The following DLGAP2 variants were observed in gnomAD, a reference collection of about 807,000 sequenced individuals.
DLGAP2 encodes DLG associated protein 2.
Under a neutral mutation model 100.3 loss-of-function variants are expected in DLGAP2, and 26 were observed. The ratio of observed to expected loss-of-function variants is 0.26; its 90% CI spans 0.19 to 0.36. DLGAP2 has a LOEUF of 0.36. DLGAP2 is among the 10% of genes least tolerant of loss of function. The probability of loss-of-function intolerance (pLI) is 1.00; values close to 1 mark genes in which losing one functional copy is unlikely to be tolerated. For synonymous variants in DLGAP2, 886 were observed against 630.1 expected, an observed-to-expected ratio of 1.41 and a Z score of -6.08; for missense variants, 1,858 against 1,453.2, an observed-to-expected ratio of 1.28 and a Z score of -4.53.
chr8:1,443,554 T>A (rs1797898453), intron 3 of DLGAP2, among the ~76,000 whole-genome samples: 1 of 152,098 alleles, frequency 6.6e-6, no homozygotes, highest in Non-Finnish European at 1.5e-5. Context: ...TGAGACTGGG[T>A]AATTTATAGA....
chr8:1,114,834 G>A (rs1805066124), intron 2 of DLGAP2, among the ~76,000 whole-genome samples: 1 of 152,110 alleles, frequency 6.6e-6, no homozygotes, highest in Non-Finnish European at 1.5e-5. Flanking sequence ...GGCATTTAGT[G>A]CTACGAATTT....
chr8:1,702,966 T>C lies in DLGAP2; in HGVS notation c.*1560T>C, dbSNP rs979641622. ...CCCCATAGCACTTTGTTTCTTCGCC[T>C]TGATTTGCACTTTACAATGTCCCCA... On this transcript the variant is annotated 3_prime_UTR_variant, in exon 15 of 15. Transcript: ENST00000637795. 1 of 152,656 alleles carries C rather than the reference T, an allele frequency of 6.6e-6. No individual in the cohort carries two copies. Among genetic ancestry groups the C allele is most frequent in the Admixed American group, 6.5e-5 (1 of 15,288 alleles). 9.5% of individuals were successfully genotyped at this position (152,656 alleles called of 1,614,324 possible). A position where few individuals can be genotyped will look rare whatever the true frequency, so the allele number is the denominator to read the frequency against.
At chr8:1,432,500 C>A (rs1797481018) in intron 3 of DLGAP2, among the ~76,000 whole-genome samples, 1 of 152,188 alleles carries the variant, frequency 6.6e-6, no homozygotes, top group Non-Finnish European at 1.5e-5. Context: ...TTGAAATTGC[C>A]ACTGAAATTG....
chr8:864,712 T>C (rs1289848021), intron 1 of DLGAP2, among the ~76,000 whole-genome samples: 3 of 152,130 alleles, frequency 2.0e-5, no homozygotes, highest in African/African-American at 7.2e-5. Context: ...CAATGCTGAG[T>C]GTTCTCTGTT....
chr8:1,503,778 T>G (rs1799806663), intron 4 of DLGAP2, among the ~76,000 whole-genome samples: 1 of 151,994 alleles, frequency 6.6e-6, no homozygotes. Flanking sequence ...ATGAGAAGGG[T>G]CAGATGTTAG....
chr8:903,109 G>T (rs893086223), intron 1 of DLGAP2, among the ~76,000 whole-genome samples: 1 of 151,938 alleles, frequency 6.6e-6, no homozygotes, highest in East Asian at 1.9e-4. Flanking sequence ...CCAAGCGGCC[G>T]TCAGAGTCCC....
chr8:1,123,129 G>A (rs987595641), intron 2 of DLGAP2, among the ~76,000 whole-genome samples: 2 of 152,096 alleles, frequency 1.3e-5, no homozygotes, highest in African/African-American at 4.8e-5. Flanking sequence ...AATAAGTTTC[G>A]CTCAGAAGCT....
Position 812,511 on chromosome 8 carries a change from A to G in DLGAP2, c.18+74686A>G, listed in dbSNP as rs982440817. Among the ~76,000 whole-genome samples the G allele has an allele frequency of 1.1e-4, 17 of 152,310 alleles. 1 individual carries two copies. The highest frequency in any genetic ancestry group is 8.5e-4 in the Admixed American group (13 of 15,304). The stretch of plus-strand genomic sequence containing the variant: ...GGTGGCTGCGTTGAGCGTGGGAGAA[A>G]TCAGGTGTGGCATTTTGTGGCAAAG... On this transcript the variant is annotated intron_variant, in intron 1 of 14. Coordinates refer to ENST00000637795, the MANE Select transcript of DLGAP2 (RefSeq NM_001346810.2).
intron 2 of DLGAP2, among the ~76,000 whole-genome samples, chr8:1,255,177 CCT>C (rs1300681109): frequency 3.2e-5 from 3 of 94,038 alleles, no homozygotes; most frequent in African/African-American, 1.0e-4. Context: ...GTGTGTGTGC[CCT>C]CTCATCCTGC....
intron 2 of DLGAP2, among the ~76,000 whole-genome samples, chr8:1,028,740 G>T (rs756760008): frequency 4.6e-5 from 7 of 152,222 alleles, no homozygotes; most frequent in Admixed American, 6.5e-5. Context: ...ACCATGGCGG[G>T]GAATTTGGAG....
rs578221642 is a variant in DLGAP2 at position 1,488,734 on chromosome 8, T to C, written c.107-12632T>C. ...TCTCCAAAGCTCCTCCTCTGCACGA[T>C]GGGCATGACGACGTTTTATCTTCTG... On this transcript the variant is annotated intron_variant, in intron 3 of 14. Coordinates refer to ENST00000637795, the MANE Select transcript of DLGAP2 (RefSeq NM_001346810.2). Among the ~76,000 whole-genome samples, 8 of 152,292 alleles carry C rather than the reference T, an allele frequency of 5.3e-5. No individual in the cohort carries two copies. In the South Asian group the frequency reaches 1.4e-3, roughly 28 times the overall value.
At chr8:1,388,980 C>A (rs1158783595) in intron 3 of DLGAP2, among the ~76,000 whole-genome samples, 2 of 136,918 alleles carry the variant, frequency 1.5e-5, no homozygotes, top group Non-Finnish European at 3.1e-5. Context: ...GATGAGGAGG[C>A]GCTGGTTCAG....
At chr8:1,258,485 T>C (rs1799275311) in intron 2 of DLGAP2, among the ~76,000 whole-genome samples, 1 of 152,052 alleles carries the variant, frequency 6.6e-6, no homozygotes, top group Non-Finnish European at 1.5e-5. Context: ...ACCTATTGCA[T>C]GCGGGGCTTA....
chr8:1,280,053 C>G (rs1799785846), intron 3 of DLGAP2, among the ~76,000 whole-genome samples: 1 of 152,206 alleles, frequency 6.6e-6, no homozygotes, highest in South Asian at 2.1e-4. Context: ...CTGACATGCA[C>G]TCACGTAAGG....
At chr8:1,665,943 C>T (rs1013341226) in intron 8 of DLGAP2, among the ~76,000 whole-genome samples, 2 of 152,242 alleles carry the variant, frequency 1.3e-5, no homozygotes, top group Non-Finnish European at 2.9e-5. Flanking sequence ...GTCCATGTCG[C>T]ACTCAACACC....
intron 1 of DLGAP2, among the ~76,000 whole-genome samples, chr8:823,175 C>T (rs1007250201): frequency 1.3e-5 from 2 of 152,146 alleles, no homozygotes; most frequent in African/African-American, 4.8e-5. Flanking sequence ...TCTCTACCCA[C>T]TTGGTGGCCT....
intron 4 of DLGAP2, among the ~76,000 whole-genome samples, chr8:1,507,722 G>T (rs1799977392): frequency 7.0e-6 from 1 of 143,668 alleles, no homozygotes; most frequent in Non-Finnish European, 1.5e-5. Context: ...CCACCCTCCT[G>T]TCTCCCAGGC....
intron 1 of DLGAP2, among the ~76,000 whole-genome samples, chr8:825,743 G>T (rs911770171): frequency 6.6e-6 from 1 of 151,868 alleles, no homozygotes; most frequent in Non-Finnish European, 1.5e-5. Flanking sequence ...TTATTTATGG[G>T]CTACTTGGGA....
chr8:1,509,794 C>G (rs1800094437), intron 4 of DLGAP2, among the ~76,000 whole-genome samples: 1 of 152,170 alleles, frequency 6.6e-6, no homozygotes, highest in Non-Finnish European at 1.5e-5. Flanking sequence ...GTGTGGCTCA[C>G]AGCAAGTGTT....
Sources: gnomAD v4.1 joint callset for allele counts (sites outside exome capture counted in the v4.1 genomes callset) on GRCh38, gnomAD v4.1.1 for gene constraint, MANE v1.5 for transcripts, NCBI Gene and HGNC (gene_info 2026-07-23, HGNC 2026-07-21) for gene names.